Variants in CHCHD3 observed in about 807,000 individuals in gnomAD.
CHCHD3 encodes the protein coiled-coil-helix-coiled-coil-helix domain containing 3, also known as MICOS complex subunit MIC19.
CHCHD3 carries 20 observed loss-of-function variants against 38.2 expected under a neutral mutation model. The ratio of observed to expected loss-of-function variants is 0.52; its 90% confidence interval spans 0.37 to 0.76. The LOEUF is 0.76. Among genes scored for constraint, CHCHD3 ranks in the 30% least tolerant of loss-of-function variants. The pLI is 0.00. For synonymous variants in CHCHD3, 82 were observed against 100.0 expected, an observed-to-expected ratio of 0.82 and a Z score of 1.07; for missense variants, 245 against 279.2, an observed-to-expected ratio of 0.88 and a Z score of 0.87.
At chr7:132,945,771 C>T (rs904900714) in intron 4 of CHCHD3, among the ~76,000 whole-genome samples, 1 of 151,866 alleles carries the variant, frequency 6.6e-6, no homozygotes, top group Admixed American at 6.6e-5. Context: ...TGACACTAGG[C>T]ACACAGGAGG....
chr7:132,837,266 C>A (rs934953903), intron 6 of CHCHD3, among the ~76,000 whole-genome samples: 17 of 152,104 alleles, frequency 1.1e-4, no homozygotes, highest in Non-Finnish European at 1.8e-4. Flanking sequence ...AAAAAAAAGT[C>A]ATTATATCAT....
intron 2 of CHCHD3, among the ~76,000 whole-genome samples, chr7:133,050,201 A>G (rs1158983860): frequency 6.6e-6 from 1 of 151,822 alleles, no homozygotes; most frequent in Non-Finnish European, 1.5e-5. Context: ...ACAAAAAATT[A>G]GTGTGGTGCT....
At chr7:132,918,739 A>G (rs1810181987) in intron 4 of CHCHD3, among the ~76,000 whole-genome samples, 1 of 152,204 alleles carries the variant, frequency 6.6e-6, no homozygotes, top group Admixed American at 6.5e-5. Flanking sequence ...GCAAGTTTTT[A>G]AGTAGATCAC....
At chr7:133,016,410 T>C (rs1813031515) in intron 3 of CHCHD3, among the ~76,000 whole-genome samples, 1 of 152,226 alleles carries the variant, frequency 6.6e-6, no homozygotes. Flanking sequence ...TATGTGTCTG[T>C]ATAAAACTGT....
At chr7:133,066,996 G>A (rs916801389) in intron 2 of CHCHD3, among the ~76,000 whole-genome samples, 2 of 152,176 alleles carry the variant, frequency 1.3e-5, no homozygotes, top group Admixed American at 6.5e-5. Flanking sequence ...ATTTGCTCTG[G>A]AGTCAGACAA....
At chr7:132,984,785 G>A (rs1320274561) in intron 3 of CHCHD3, among the ~76,000 whole-genome samples, 4 of 145,640 alleles carry the variant, frequency 2.7e-5, no homozygotes, top group East Asian at 2.1e-4. Context: ...CCCTCCGCCC[G>A]GCAGCCACTC....
chr7:132,884,668 AAGAG>A (rs978951033), intron 5 of CHCHD3, among the ~76,000 whole-genome samples: 1 of 152,190 alleles, frequency 6.6e-6, no homozygotes, highest in African/African-American at 2.4e-5. Flanking sequence ...TTTCATTCAA[AAGAG>A]AGAGAGCTTA....
chr7:132,985,779 CG>C (rs1281223867), intron 3 of CHCHD3, among the ~76,000 whole-genome samples: 1 of 60,166 alleles, frequency 1.7e-5, no homozygotes, highest in Non-Finnish European at 3.5e-5. Context: ...GGGAGGGAGG[CG>C]GGGGGGTCAG....
chr7:132,981,330 G>C (rs776799752), intron 3 of CHCHD3, among the ~76,000 whole-genome samples: 5 of 152,092 alleles, frequency 3.3e-5, no homozygotes, highest in African/African-American at 4.8e-5. Context: ...TTTTTAACAT[G>C]AGAAAAACTG....
intron 2 of CHCHD3, among the ~76,000 whole-genome samples, chr7:133,069,486 G>A (rs74680344): frequency 0.013 from 1,982 of 152,148 alleles, 52 homozygotes; most frequent in African/African-American, 0.046. Flanking sequence ...AATAAATAGC[G>A]TATCTATCCA....
At chr7:133,044,859 C>T (rs912751448) in intron 2 of CHCHD3, among the ~76,000 whole-genome samples, 35 of 152,326 alleles carry the variant, frequency 2.3e-4, no homozygotes, top group African/African-American at 7.9e-4. Context: ...CCTCCCCAGG[C>T]GGGAGATGAG....
chr7:132,816,574 A>G (rs1359936467), intron 6 of CHCHD3, among the ~76,000 whole-genome samples: 1 of 152,126 alleles, frequency 6.6e-6, no homozygotes, highest in East Asian at 1.9e-4. Flanking sequence ...TCCAACCTTC[A>G]TAATTTAGCT....
chr7:132,921,901 T>C (rs1297613547), intron 4 of CHCHD3, among the ~76,000 whole-genome samples: 1 of 152,156 alleles, frequency 6.6e-6, no homozygotes, highest in Non-Finnish European at 1.5e-5. Flanking sequence ...GAGAAATCCT[T>C]CCCTTTACGC....
chr7:133,021,262 G>A (rs534640621), intron 3 of CHCHD3, among the ~76,000 whole-genome samples: 156 of 152,228 alleles, frequency 1.0e-3, no homozygotes, highest in African/African-American at 3.6e-3. Flanking sequence ...ATAAAGTATT[G>A]TGTTAAAACT....
At chr7:132,977,239 C>A (rs1236034678) in intron 3 of CHCHD3, among the ~76,000 whole-genome samples, 1 of 152,194 alleles carries the variant, frequency 6.6e-6, no homozygotes, top group African/African-American at 2.4e-5. Context: ...AGCTGGGAGT[C>A]TGTTAGAAAT....
At chr7:132,944,569 T>G (rs1410069735) in intron 4 of CHCHD3, among the ~76,000 whole-genome samples, 1 of 151,988 alleles carries the variant, frequency 6.6e-6, no homozygotes, top group Non-Finnish European at 1.5e-5. Context: ...TATTACATTT[T>G]TATTGCTGTA....
At chr7:132,991,085 T>C (rs895365716) in intron 3 of CHCHD3, among the ~76,000 whole-genome samples, 1 of 152,132 alleles carries the variant, frequency 6.6e-6, no homozygotes, top group African/African-American at 2.4e-5. Context: ...AAAAAATAAT[T>C]ATACAAAGTC....
intron 2 of CHCHD3, among the ~76,000 whole-genome samples, chr7:133,025,498 G>GT (rs955103231): frequency 6.6e-6 from 1 of 151,994 alleles, no homozygotes; most frequent in Non-Finnish European, 1.5e-5. Context: ...GTCTTTTTTG[G>GT]TTTTTTTCTC....
chr7:133,004,416 C>T (rs1812649026), intron 3 of CHCHD3, among the ~76,000 whole-genome samples: 1 of 152,210 alleles, frequency 6.6e-6, no homozygotes, highest in African/African-American at 2.4e-5. Context: ...ATAGGACTGA[C>T]TGCAAAGGTG....
Sources: allele counts gnomAD v4.1 joint callset (sites outside exome capture counted in the v4.1 genomes callset), GRCh38; gene constraint gnomAD v4.1.1; transcripts MANE v1.5; gene names NCBI Gene and HGNC (gene_info 2026-07-23, HGNC 2026-07-21).